The following POLR2M variants were observed in gnomAD, a reference collection of about 807,000 sequenced individuals.
The protein encoded by POLR2M is protein GRINL1A.
POLR2M carries 30 observed loss-of-function variants against 34.6 expected under a neutral mutation model. The ratio of observed to expected loss-of-function variants is 0.87; its 90% CI spans 0.65 to 1.18. The LOEUF is 1.18. Ranked by LOEUF, POLR2M falls within the 50% of genes most tolerant of loss-of-function variation. POLR2M has a pLI of 0.00. For missense variants in POLR2M, 432 were observed against 448.7 expected (o/e 0.96, Z 0.34); for synonymous variants, 150 against 166.7 (o/e 0.90, Z 0.77).
intron 2 of POLR2M, among the ~76,000 whole-genome samples, chr15:57,711,399 CT>C (rs2040706610): frequency 6.6e-6 from 1 of 152,222 alleles, no homozygotes; most frequent in Admixed American, 6.5e-5. Context: ...TCATTGCAGT[CT>C]GGGCCTAGGC....
In POLR2M at chr15:57,708,910, C is replaced by T. The variant is rs143971965; in HGVS notation, c.310C>T (p.Pro104Ser). The T allele has an allele frequency of 6.2e-7, 1 of 1,614,012 alleles. No individual in the cohort carries two copies. The highest frequency in any genetic ancestry group is 2.2e-5 in the East Asian group (1 of 44,878). Residue 104 changes from proline to serine, a missense_variant, in exon 2 of 4, where the codon CCG becomes TCG. Physicochemically the swap from Pro to Ser is moderately conservative, Grantham distance 74. Transcript: ENST00000299638. ...VGTDKAQNSD[P>S]ILDTSSLVPG... ...TACAGATAAGGCCCAGAATTCTGAC[C>T]CGATACTTGATACTTCATCACTAGT...
At chr15:57,709,468 G>A (rs1265892273) in intron 2 of POLR2M, 110 bp downstream of exon 2, 12 of 1,307,208 alleles carry the variant, frequency 9.2e-6, no homozygotes, top group African/African-American at 1.5e-5. Flanking sequence ...AGGCTACTCA[G>A]GAGGCTGAGG....
At position 57,706,756 on chromosome 15, in the gene POLR2M, C is replaced by T. The variant is rs770619868; in HGVS notation, c.-87C>T. 2.5e-5 allele frequency: 37 copies of T among 1,460,668 alleles called. No individual in the cohort carries two copies. The highest frequency in any genetic ancestry group is 2.8e-5 in the African/African-American group (2 of 70,748). The allele number at this position is 1,460,668 out of a possible 1,614,324, so 90.5% of individuals were successfully genotyped here. A position where few individuals can be genotyped will look rare whatever the true frequency, so the allele number is the denominator to read the frequency against. On this transcript the variant is annotated 5_prime_UTR_variant, in exon 1 of 4. Transcript: ENST00000299638. ...GCGACTCCCGCTCGTGCCCCGGAGT[C>T]ACCGCCGTCCGCGGATCCGGCGCTA... is the stretch of plus-strand genomic sequence containing the variant.
At position 57,715,613 on chromosome 15, in the gene POLR2M, G is replaced by A. The variant is rs2040909513; in HGVS notation, c.*934G>A. ...TTTTTTTGTTAAAATTGAATTGTCA[G>A]TACTTTACTTTTTTCCCCCCAAATA... On this transcript the variant is annotated 3_prime_UTR_variant, in exon 4 of 4. Transcript: ENST00000299638. 6.6e-6 allele frequency: 1 copy of A among 151,844 alleles called. No individual in the cohort carries two copies. Among genetic ancestry groups the A allele is most frequent in the Non-Finnish European group, 1.5e-5 (1 of 67,942 alleles). The allele number at this position is 151,844 out of a possible 1,614,324, so 9.4% of individuals were successfully genotyped here.
chr15:57,709,340 G>A lies in POLR2M; in HGVS notation c.740G>A (p.Arg247His), dbSNP rs138272308. Residue 247 changes from arginine to histidine, a missense_variant, in exon 2 of 4, where the codon CGT (arginine) becomes CAT (histidine). Physicochemically the swap from Arg to His is conservative, Grantham distance 29 (BLOSUM62 0). Coordinates refer to ENST00000299638, the MANE Select transcript of POLR2M (RefSeq NM_015532.5). Reference protein sequence around the residue: ...MRAKNPVPQLRKFKTNVLPFR... With the variant: ...MRAKNPVPQLHKFKTNVLPFR... The stretch of plus-strand genomic sequence containing the variant: ...GCCAAAAACCCAGTGCCCCAGCTGC[G>A]TAAATTTAAAACCAATGTGTAAGTA... The A allele has an allele frequency of 8.1e-6, 13 of 1,612,814 alleles. No individual in the cohort carries two copies. The highest frequency in any genetic ancestry group is 4.0e-5 in the African/African-American group (3 of 74,760).
At chr15:57,713,127 G>T (rs537966088) in intron 3 of POLR2M, among the ~76,000 whole-genome samples, 4 of 151,670 alleles carry the variant, frequency 2.6e-5, no homozygotes, top group African/African-American at 9.7e-5. Flanking sequence ...TCAGGAGGTC[G>T]AGGCTGCAGT....
chr15:57,708,785 T>C lies in POLR2M; in HGVS notation c.185T>C (p.Ile62Thr). The part of the protein sequence containing the change: ...FDSFAKLKAA[I>T]AECEEVRRKS... Reference sequence around the variant, plus strand: ...TCTTTTGCCAAACTGAAAGCTGCCATTGCAGAATGTGAAGAAGTTAGAAGA... The same window carrying C: ...TCTTTTGCCAAACTGAAAGCTGCCACTGCAGAATGTGAAGAAGTTAGAAGA... Residue 62 changes from isoleucine to threonine, a missense_variant, in exon 2 of 4, where the codon ATT (isoleucine) becomes ACT (threonine). Ile to Thr is a moderately conservative substitution (Grantham distance 89). Coordinates refer to ENST00000299638, the MANE Select transcript of POLR2M (RefSeq NM_015532.5). 2 of 1,612,384 alleles carry C rather than the reference T, an allele frequency of 1.2e-6. No homozygotes were observed. Among genetic ancestry groups the C allele is most frequent in the Admixed American group, 3.3e-5 (2 of 59,724 alleles).
At position 57,712,276 on chromosome 15, in the gene POLR2M, G is replaced by A. The variant is rs9806136; in HGVS notation, c.963+88G>A. ...CTCCAGGTTCAAGGAGGAAGGAATG[G>A]AATAGAGGGGATTAGGTGCTTCCAT... On this transcript the variant is annotated intron_variant, in intron 3 of 3. Coordinates refer to ENST00000299638, the MANE Select transcript of POLR2M (RefSeq NM_015532.5). 1,782 of 1,460,762 alleles carry A rather than the reference G, an allele frequency of 1.2e-3. 16 individuals carry two copies. In the African/African-American group the frequency reaches 0.018, roughly 15 times the overall value. The allele number at this position is 1,460,762 out of a possible 1,614,324, so 90.5% of individuals were successfully genotyped here.
chr15:57,708,574 G>A, intron 1 of POLR2M, 140 bp from the exon 2 acceptor site: 1 of 776,746 alleles, frequency 1.3e-6, no homozygotes, highest in Non-Finnish European at 2.0e-6. Context: ...TTTTATTCTT[G>A]TTTTGGGGCA....
intron 2 of POLR2M, among the ~76,000 whole-genome samples, chr15:57,710,169 G>A (rs1006500396): frequency 2.0e-5 from 3 of 152,124 alleles, no homozygotes; most frequent in African/African-American, 7.3e-5. Context: ...TCAGGGGGAA[G>A]GAAGCTGAGA....
Position 57,714,549 on chromosome 15 carries a change from A to G in POLR2M, c.977A>G (p.Lys326Arg). The change falls in exon 4 of 4, where the codon AAG becomes AGG. Residue 326 changes from lysine to arginine, a missense_variant. By Grantham distance (26) the Lys-to-Arg change is conservative. Transcript: ENST00000299638. The part of the protein sequence containing the change: ...QKQNYEEMQA[K>R]LAAQKLAERL... The stretch of plus-strand genomic sequence containing the variant: ...TTTGTTTTAAAGGAGATGCAAGCAA[A>G]GCTCGCAGCGCAAAAATTAGCTGAA... 1.2e-6 allele frequency: 2 copies of G among 1,613,612 alleles called. No homozygotes were observed. The highest frequency in any genetic ancestry group is 2.7e-5 in the African/African-American group (2 of 74,998).
At chr15:57,712,638 G>A (rs1424495413) in intron 3 of POLR2M, among the ~76,000 whole-genome samples, 21 of 152,154 alleles carry the variant, frequency 1.4e-4, no homozygotes, top group African/African-American at 5.1e-4. Context: ...AGGAGTGGGA[G>A]GATAATGTTG....
Position 57,715,468 on chromosome 15 carries a change from A to T in POLR2M, c.*789A>T, listed in dbSNP as rs1231544863. On this transcript the variant is annotated 3_prime_UTR_variant, in exon 4 of 4. Transcript: ENST00000299638. ...ATGTTACTTCAGGCAAATCTGGTAC[A>T]GGAGAAGCCCAAGCTAACTGAGCTG... 2 of 152,166 alleles carry T rather than the reference A, an allele frequency of 1.3e-5. No individual in the cohort carries two copies. Among genetic ancestry groups the T allele is most frequent in the Non-Finnish European group, 2.9e-5 (2 of 68,020 alleles). 9.4% of individuals were successfully genotyped at this position (152,166 alleles called of 1,614,324 possible). A position where few individuals can be genotyped will look rare whatever the true frequency, so the allele number is the denominator to read the frequency against.
In POLR2M at chr15:57,706,942, CTT is replaced by C. The variant is rs769121596; in HGVS notation, c.103_104del (p.Leu35AlafsTer14). 2 of 1,602,018 alleles carry C rather than the reference CTT, an allele frequency of 1.2e-6. No homozygotes were observed. The highest frequency in any genetic ancestry group is 1.7e-6 in the Non-Finnish European group (2 of 1,174,434). On this transcript the variant is annotated frameshift_variant, in exon 1 of 4. Transcript: ENST00000299638. LOFTEE classifies it high-confidence loss of function. ...LREMLKRQER[L>X]LRNEKFICKL... ...GGAAATGTTGAAGCGCCAGGAGAGA[CTT>C]TTGCGCAACGAGTAAGCTGGGGTCC...
Position 57,709,182 on chromosome 15 carries a change from C to T in POLR2M, c.582C>T (p.Asp194=). 1 of 1,614,174 alleles carries T rather than the reference C, an allele frequency of 6.2e-7. No homozygotes were observed. Among genetic ancestry groups the T allele is most frequent in the Non-Finnish European group, 8.5e-7 (1 of 1,180,040 alleles). The change falls in exon 2 of 4, where the codon GAC becomes GAT. Residue 194 remains aspartate, a synonymous_variant. Transcript: ENST00000299638. ...GCAGCTTTGACAACCTGTTTATTGA[C>T]AGGTTACAGAGGATCACCATTGCGG... ...TSSSFDNLFI[D]RLQRITIADQ...
At chr15:57,713,960 T>C (rs889239531) in intron 3 of POLR2M, among the ~76,000 whole-genome samples, 7 of 149,692 alleles carry the variant, frequency 4.7e-5, no homozygotes, top group African/African-American at 1.7e-4. Context: ...TTGTTCATTC[T>C]TGTGAACCCG....
rs1407926854 is a variant in POLR2M, at chr15:57,712,177, C to A, written c.952C>A (p.Gln318Lys). The A allele has an allele frequency of 1.9e-6, 3 of 1,614,110 alleles. No individual in the cohort carries two copies. Among genetic ancestry groups the A allele is most frequent in the Non-Finnish European group, 2.5e-6 (3 of 1,180,044 alleles). ...CTTGGCACTTCAGAAACAGCAGAAA[C>A]AGAATTATGAGGTATTTAGAGTATT... ...ESLALQKQQK[Q>K]NYEEMQAKLA... Residue 318 changes from glutamine to lysine, a missense_variant, in exon 3 of 4, where the codon CAG becomes AAG. Physicochemically the swap from Gln to Lys is moderately conservative, Grantham distance 53. Coordinates refer to ENST00000299638, the MANE Select transcript of POLR2M (RefSeq NM_015532.5).
At chr15:57,707,611 G>A in intron 1 of POLR2M, 2 of 442,600 alleles carry the variant, frequency 4.5e-6, no homozygotes, top group Non-Finnish European at 9.2e-6. Flanking sequence ...TTTTAAGCAT[G>A]GACTAATTTA....
chr15:57,708,640 C>T (rs1198777233), intron 1 of POLR2M, 74 bp from the exon 2 acceptor site: 1 of 1,334,692 alleles, frequency 7.5e-7, no homozygotes, highest in Non-Finnish European at 1.0e-6. Flanking sequence ...GAAGATAATG[C>T]CTTGCCTTTT....
Sources: allele counts gnomAD v4.1 joint callset (sites outside exome capture counted in the v4.1 genomes callset), GRCh38; gene constraint gnomAD v4.1.1; transcripts MANE v1.5; gene names NCBI Gene and HGNC (gene_info 2026-07-23, HGNC 2026-07-21).